Variants in AP1S3 observed in about 807,000 individuals in gnomAD.
AP1S3 encodes the protein adaptor related protein complex 1 subunit sigma 3.
AP1S3 carries 10 observed loss-of-function variants against 20.9 expected under a neutral mutation model. The ratio of observed to expected loss-of-function variants is 0.48; its 90% CI spans 0.29 to 0.81. AP1S3 has a LOEUF of 0.81. Ranked by LOEUF, AP1S3 falls within the 30% of genes least tolerant of loss-of-function variation. The probability of loss-of-function intolerance (pLI) is 0.08; values close to 1 mark genes in which losing one functional copy is unlikely to be tolerated. For missense variants in AP1S3, 154 were observed against 183.8 expected (o/e 0.84, Z 0.94); for synonymous variants, 41 against 61.5 (o/e 0.67, Z 1.56).
intron 1 of AP1S3, among the ~76,000 whole-genome samples, chr2:223,806,614 T>G (rs1691589454): frequency 6.6e-6 from 1 of 152,186 alleles, no homozygotes; most frequent in African/African-American, 2.4e-5. Context: ...TCATTTTAGC[T>G]GTATATGACA....
rs1448543546 is a variant in AP1S3, at chr2:223,755,393, T to C, written c.*3322A>G. 6.6e-6 allele frequency among the ~76,000 whole-genome samples: 1 copy of C among 152,198 alleles called. No individual in the cohort carries two copies. The highest frequency in any genetic ancestry group is 1.5e-5 in the Non-Finnish European group (1 of 68,048). ...TATAGAAATTTAACATTTACTGTCT[T>C]TCTCTTGGTAGTTTTATAGTAATTA... On this transcript the variant is annotated 3_prime_UTR_variant, in exon 5 of 5. Coordinates refer to ENST00000396654, the MANE Select transcript of AP1S3 (RefSeq NM_001039569.2).
intron 1 of AP1S3, among the ~76,000 whole-genome samples, chr2:223,788,917 T>C (rs1349639575): frequency 6.6e-6 from 1 of 152,174 alleles, no homozygotes; most frequent in Non-Finnish European, 1.5e-5. Flanking sequence ...AAAACCCATC[T>C]CTTAATTCAA....
chr2:223,816,075 G>A (rs756893126), intron 1 of AP1S3, among the ~76,000 whole-genome samples: 3 of 152,098 alleles, frequency 2.0e-5, no homozygotes, highest in Non-Finnish European at 2.9e-5. Flanking sequence ...ATGCCACTGC[G>A]CTCCAGCCTG....
intron 1 of AP1S3, among the ~76,000 whole-genome samples, chr2:223,803,706 A>C (rs1372901191): frequency 2.0e-5 from 3 of 151,998 alleles, no homozygotes; most frequent in South Asian, 4.1e-4. Flanking sequence ...CATGAAACCC[A>C]GTCTCTACTA....
At chr2:223,780,349 A>G (rs868815519) in intron 1 of AP1S3, among the ~76,000 whole-genome samples, 1 of 69,790 alleles carries the variant, frequency 1.4e-5, no homozygotes, top group Non-Finnish European at 2.5e-5. Context: ...AGAGAGAGAG[A>G]GAGAGAGAGT....
At chr2:223,790,685 T>C (rs541806534) in intron 1 of AP1S3, among the ~76,000 whole-genome samples, 2 of 152,212 alleles carry the variant, frequency 1.3e-5, no homozygotes, top group Non-Finnish European at 1.5e-5. Context: ...ATGTGATTTT[T>C]ACACACATAT....
rs113793388 is a variant in AP1S3 at position 223,764,344 on chromosome 2, G to A, written c.429+869C>T. ...AAGAATCTAGGGGTGGCAGGTCTGG[G>A]ATGGAACCCAGCCCCTCAGAGCATC... On this transcript the variant is annotated intron_variant, in intron 4 of 4. Coordinates refer to ENST00000396654, the MANE Select transcript of AP1S3 (RefSeq NM_001039569.2). Among the ~76,000 whole-genome samples, 221 of 152,266 alleles carry A rather than the reference G, an allele frequency of 1.5e-3. 1 individual carries two copies. Among genetic ancestry groups the A allele is most frequent in the Non-Finnish European group, 2.0e-3 (133 of 68,014 alleles).
chr2:223,823,633 T>C (rs1692047765), intron 1 of AP1S3, among the ~76,000 whole-genome samples: 1 of 152,172 alleles, frequency 6.6e-6, no homozygotes, highest in Non-Finnish European at 1.5e-5. Flanking sequence ...ATACAAACTT[T>C]CAGTTAGACA....
chr2:223,823,974 T>C (rs935015750), intron 1 of AP1S3, among the ~76,000 whole-genome samples: 2 of 151,638 alleles, frequency 1.3e-5, no homozygotes, highest in African/African-American at 4.9e-5. Flanking sequence ...CATATAGGGG[T>C]GTAGAGGGAA....
At chr2:223,808,118 T>C (rs976872704) in intron 1 of AP1S3, among the ~76,000 whole-genome samples, 2 of 151,972 alleles carry the variant, frequency 1.3e-5, no homozygotes, top group Admixed American at 6.6e-5. Context: ...GGTATTTCTT[T>C]ATAGCAGTAC....
intron 1 of AP1S3, among the ~76,000 whole-genome samples, chr2:223,836,500 G>A (rs1294573242): frequency 6.6e-6 from 1 of 152,202 alleles, no homozygotes; most frequent in Non-Finnish European, 1.5e-5. Context: ...TACACTTTGG[G>A]AGGCCGAGGC....
chr2:223,773,240 C>A, intron 3 of AP1S3: 1 of 1,270,180 alleles, frequency 7.9e-7, no homozygotes, highest in South Asian at 1.3e-5. Flanking sequence ...TTGGTTTAAT[C>A]TAGGAAAATA....
chr2:223,765,159 C>CATCAT (rs1553580227), intron 4 of AP1S3, 54 bp downstream of exon 4: 1 of 1,560,228 alleles, frequency 6.4e-7, no homozygotes, highest in Non-Finnish European at 8.7e-7. Flanking sequence ...ATTATTAACA[C>CATCAT]CATCATCATC....
At chr2:223,830,797 G>T (rs1387447428) in intron 1 of AP1S3, among the ~76,000 whole-genome samples, 3 of 152,134 alleles carry the variant, frequency 2.0e-5, no homozygotes, top group African/African-American at 7.2e-5. Flanking sequence ...CTAGGTCCAT[G>T]CCCCATCGCA....
intron 1 of AP1S3, among the ~76,000 whole-genome samples, chr2:223,834,101 T>C (rs1033392109): frequency 5.3e-5 from 8 of 152,116 alleles, no homozygotes; most frequent in Non-Finnish European, 1.0e-4. Context: ...AGAGACAGTG[T>C]TTCTCCATGT....
chr2:223,777,590 T>C, intron 2 of AP1S3, 101 bp downstream of exon 2: 1 of 1,073,886 alleles, frequency 9.3e-7, no homozygotes, highest in South Asian at 1.8e-5. Context: ...CCTTCAAAGA[T>C]TTCAGTAAAT....
intron 1 of AP1S3, among the ~76,000 whole-genome samples, chr2:223,824,819 G>A (rs1018165516): frequency 6.6e-6 from 1 of 152,226 alleles, no homozygotes; most frequent in Non-Finnish European, 1.5e-5. Context: ...GCAGGCGTAA[G>A]CCACCGCAAC....
intron 1 of AP1S3, among the ~76,000 whole-genome samples, chr2:223,814,605 T>C (rs184302641): frequency 6.6e-6 from 1 of 152,162 alleles, no homozygotes; most frequent in Non-Finnish European, 1.5e-5. Flanking sequence ...AAATTCTCAC[T>C]GGTCACATGA....
At chr2:223,781,340 C>G (rs972476693) in intron 1 of AP1S3, among the ~76,000 whole-genome samples, 6 of 151,920 alleles carry the variant, frequency 3.9e-5, no homozygotes, top group African/African-American at 1.5e-4. Context: ...ATTTAAAAAC[C>G]CTCCTCATCA....
Sources: gnomAD v4.1 joint callset for allele counts (sites outside exome capture counted in the v4.1 genomes callset) on GRCh38, gnomAD v4.1.1 for gene constraint, MANE v1.5 for transcripts, NCBI Gene and HGNC (gene_info 2026-07-23, HGNC 2026-07-21) for gene names.